Variants in TRERF1 observed in about 807,000 individuals in gnomAD.
TRERF1 encodes the protein transcriptional regulating factor 1.
TRERF1 carries 27 observed loss-of-function variants against 122.9 expected under a neutral mutation model. The observed-to-expected ratio is 0.22, with a 90% confidence interval of 0.16 to 0.30. The LOEUF (loss-of-function observed/expected upper bound fraction) is 0.30, where lower values mean the gene tolerates loss of function less well. TRERF1 is among the 10% of genes least tolerant of loss of function. The pLI is 1.00. For synonymous variants in TRERF1, 636 were observed against 641.7 expected (o/e 0.99, Z 0.13); for missense variants, 1,248 against 1,560.3 (o/e 0.80, Z 3.37).
At chr6:42,382,889 GA>G (rs1776183673) in intron 2 of TRERF1, among the ~76,000 whole-genome samples, 1 of 147,586 alleles carries the variant, frequency 6.8e-6, no homozygotes, top group South Asian at 2.3e-4. Flanking sequence ...CACAACAACT[GA>G]AATGTCTCCA....
chr6:42,336,584 A>T (rs374140856), intron 3 of TRERF1, among the ~76,000 whole-genome samples: 6 of 152,196 alleles, frequency 3.9e-5, no homozygotes, highest in African/African-American at 1.4e-4. Flanking sequence ...TATTTGTCCC[A>T]AGAGAGGGAT....
Position 42,268,536 on chromosome 6 carries a change from T to G in TRERF1, c.1055A>C (p.His352Pro). 6.2e-7 allele frequency: 1 copy of G among 1,614,008 alleles called. No individual in the cohort carries two copies. The highest frequency in any genetic ancestry group is 8.5e-7 in the Non-Finnish European group (1 of 1,179,972). ...TGGGGTATACTGGTGAGGGTCCCTGTGATAAGAAGGAGGCTGCAGGTGCAT... is the reference window on the plus strand; with the variant it reads ...TGGGGTATACTGGTGAGGGTCCCTGGGATAAGAAGGAGGCTGCAGGTGCAT... The change falls in exon 5 of 18, where the codon CAC (histidine) becomes CCC (proline). Residue 352 changes from histidine (H) to proline (P), a missense_variant. Around this residue, in one of 5 missense-constraint regions of TRERF1, gnomAD observed 946 missense variants for 1,073.0 expected, o/e 0.88. Transcript: ENST00000372922. This position sits in a 1 kb window ranked among gnomAD's most constrained non-coding sequence, Gnocchi z 4.4.
At chr6:42,236,478 C>T in intron 15 of TRERF1, 67 bp from the exon 16 acceptor site, 1 of 1,522,168 alleles carries the variant, frequency 6.6e-7, no homozygotes. Context: ...ATGAACAGAA[C>T]TCACAGATCA....
rs1779511452 is a variant in TRERF1 at position 42,268,004 on chromosome 6, GACAGTGCGTGAC to G, written c.1437+138_1437+149del. 1 of 961,988 alleles carries G rather than the reference GACAGTGCGTGAC, an allele frequency of 1.0e-6. No individual in the cohort carries two copies. The highest frequency in any genetic ancestry group is 1.7e-5 in the African/African-American group (1 of 59,190). 59.6% of individuals were successfully genotyped at this position (961,988 alleles called of 1,614,324 possible). On this transcript the variant is annotated intron_variant, in intron 5 of 17. Transcript: ENST00000372922. The surrounding 1 kb of genome is among the most constrained non-coding windows in gnomAD (Gnocchi z 4.4). ...TTTTGTATTCCAAGTGCTTGGCACA[GACAGTGCGTGAC>G]ACATGTAGGTTAATGTTTGTGGAAT...
intron 3 of TRERF1, among the ~76,000 whole-genome samples, chr6:42,305,323 C>T (rs1787001756): frequency 6.6e-6 from 1 of 152,188 alleles, no homozygotes; most frequent in Non-Finnish European, 1.5e-5. Context: ...CTGTCACATC[C>T]ACCATGCCAC....
intron 2 of TRERF1, among the ~76,000 whole-genome samples, chr6:42,383,203 C>A (rs1048606608): frequency 3.3e-5 from 5 of 152,082 alleles, no homozygotes; most frequent in Admixed American, 6.5e-5. Flanking sequence ...TGCACTCCAG[C>A]CTGGGTGACC....
At position 42,236,802 on chromosome 6, in the gene TRERF1, G is replaced by A. The variant is rs570380867; in HGVS notation, c.2860-391C>T. Among the ~76,000 whole-genome samples, 12 of 152,200 alleles carry A rather than the reference G, an allele frequency of 7.9e-5. 1 individual carries two copies. The highest frequency in any genetic ancestry group is 7.9e-4 in the Admixed American group (12 of 15,280). ...CTCTGTCTCCTCACAGAGGTGAAGA[G>A]GGGTTTCCAGCAATAACAATACCAT... On this transcript the variant is annotated intron_variant, in intron 15 of 17. Coordinates refer to ENST00000372922, the Ensembl canonical transcript of TRERF1.
chr6:42,283,804 C>T (rs36013315), intron 4 of TRERF1, among the ~76,000 whole-genome samples: 20,997 of 151,436 alleles, frequency 0.14, 1,489 homozygotes, highest in African/African-American at 0.18. Flanking sequence ...TTAGTAGAGA[C>T]GGGGTTTCTC....
At position 42,277,870 on chromosome 6, in the gene TRERF1, A is replaced by AGAAGAAG. The variant is rs1243599739; in HGVS notation, c.-258-8029_-258-8023dup. On this transcript the variant is annotated intron_variant, in intron 4 of 17. Transcript: ENST00000372922. ...AAGAAGAAGAAAGAAGGAAGAAGGA[A>AGAAGAAG]GAAGAAGGAAGAAGGAAGAAGGAAG... is the stretch of plus-strand genomic sequence containing the variant. Among the ~76,000 whole-genome samples, 190 of 129,778 alleles carry AGAAGAAG rather than the reference A, an allele frequency of 1.5e-3. 6 individuals carry two copies. The highest frequency in any genetic ancestry group is 3.7e-3 in the African/African-American group (120 of 32,870). The allele number at this position is 129,778 out of a possible 152,430, so 85.1% of individuals were successfully genotyped here.
intron 3 of TRERF1, among the ~76,000 whole-genome samples, chr6:42,336,009 T>C (rs1324851362): frequency 1.3e-5 from 2 of 152,218 alleles, no homozygotes; most frequent in Admixed American, 1.3e-4. Flanking sequence ...GCACTTGCAG[T>C]CTAGCTGGTG....
At chr6:42,307,548 G>A (rs1787487373) in intron 3 of TRERF1, among the ~76,000 whole-genome samples, 2 of 152,186 alleles carry the variant, frequency 1.3e-5, no homozygotes, top group African/African-American at 4.8e-5. Context: ...AGATGGACAA[G>A]TAGAGGAGCT....
chr6:42,271,179 C>T (rs1240447498), intron 4 of TRERF1, among the ~76,000 whole-genome samples: 1 of 146,408 alleles, frequency 6.8e-6, no homozygotes, highest in Non-Finnish European at 1.5e-5. Flanking sequence ...GAGCAAAACT[C>T]CATCTAAAAA....
At chr6:42,254,404 T>C (rs1776346672) in intron 13 of TRERF1, among the ~76,000 whole-genome samples, 1 of 152,106 alleles carries the variant, frequency 6.6e-6, no homozygotes, top group Admixed American at 6.5e-5. Context: ...ACATATACCA[T>C]CTCTAATCTC....
intron 4 of TRERF1, among the ~76,000 whole-genome samples, chr6:42,298,137 GTTTT>G: frequency 6.7e-6 from 1 of 149,982 alleles, no homozygotes; most frequent in South Asian, 2.1e-4. Flanking sequence ...GATAGTTGTT[GTTTT>G]TTTTTGTTTT....
At chr6:42,247,683 G>C (rs142533066) in intron 13 of TRERF1, among the ~76,000 whole-genome samples, 31 of 152,302 alleles carry the variant, frequency 2.0e-4, no homozygotes, top group African/African-American at 7.5e-4. Context: ...ACGATATGCA[G>C]ATAATAATAT....
intron 6 of TRERF1, 63 bp downstream of exon 6, chr6:42,265,688 G>A: frequency 1.3e-6 from 2 of 1,507,748 alleles, no homozygotes; most frequent in Non-Finnish European, 9.1e-7. Flanking sequence ...AATGAATCAT[G>A]AGAGACACCC....
chr6:42,443,267 C>T (rs751650243), intron 2 of TRERF1, among the ~76,000 whole-genome samples: 9 of 152,214 alleles, frequency 5.9e-5, no homozygotes, highest in Non-Finnish European at 1.3e-4. Context: ...ATACTAGCCT[C>T]TCTGCTTTTG....
chr6:42,435,634 T>A (rs1480383701), intron 2 of TRERF1, among the ~76,000 whole-genome samples: 1 of 152,078 alleles, frequency 6.6e-6, no homozygotes, highest in African/African-American at 2.4e-5. Context: ...TTTATAATAG[T>A]TAAAAAATGA....
chr6:42,255,237 G>A (rs1164040918), intron 12 of TRERF1, among the ~76,000 whole-genome samples: 1 of 152,208 alleles, frequency 6.6e-6, no homozygotes, highest in Non-Finnish European at 1.5e-5. Flanking sequence ...TCTGACTGGA[G>A]GCTGAGTCTC....
Sources: allele counts gnomAD v4.1 joint callset (sites outside exome capture counted in the v4.1 genomes callset), GRCh38; gene constraint gnomAD v4.1.1; regional missense constraint gnomAD v4.1.1; non-coding constraint Gnocchi (gnomAD v3.1); transcripts MANE v1.5; gene names NCBI Gene and HGNC (gene_info 2026-07-23, HGNC 2026-07-21).